Variants in STARD13 observed in about 807,000 individuals in gnomAD.
STARD13 encodes the protein stAR-related lipid transfer protein 13.
Under a neutral mutation model 106.4 loss-of-function variants are expected in STARD13, and 62 were observed. The observed-to-expected ratio is 0.58, with a 90% CI of 0.48 to 0.72. STARD13 has a LOEUF of 0.72. Among genes scored for constraint, STARD13 ranks in the 30% least tolerant of loss-of-function variants. STARD13 has a pLI of 0.00. For synonymous variants in STARD13, 565 were observed against 553.0 expected (o/e 1.02, Z -0.31); for missense variants, 1,387 against 1,424.0 (o/e 0.97, Z 0.42).
intron 3 of STARD13, among the ~76,000 whole-genome samples, chr13:33,160,923 A>G (rs1455514092): frequency 6.6e-6 from 1 of 152,224 alleles, no homozygotes; most frequent in Non-Finnish European, 1.5e-5. Context: ...AGGATTTTAC[A>G]TCAAAGAAAT....
chr13:33,595,188 G>T, the STARD13 span, among the ~76,000 whole-genome samples: 1 of 152,146 alleles, frequency 6.6e-6, no homozygotes, highest in Non-Finnish European at 1.5e-5. Context: ...GATTTTGAAT[G>T]CATGCATGCT....
the STARD13 span, among the ~76,000 whole-genome samples, chr13:33,576,747 AGGGATTT>A: frequency 3.3e-5 from 5 of 152,330 alleles, no homozygotes; most frequent in South Asian, 1.0e-3. Flanking sequence ...ATATAGTGTG[AGGGATTT>A]CAATTAGACA....
chr13:33,214,085 T>C (rs1887883769), intron 1 of STARD13, among the ~76,000 whole-genome samples: 1 of 152,190 alleles, frequency 6.6e-6, no homozygotes, highest in Non-Finnish European at 1.5e-5. Context: ...GGGGTTCGCA[T>C]CACAAGCGAC....
intron 1 of STARD13, among the ~76,000 whole-genome samples, chr13:33,275,473 T>C (rs1025340316): frequency 6.6e-6 from 1 of 152,170 alleles, no homozygotes; most frequent in Non-Finnish European, 1.5e-5. Context: ...TCTGAGACTG[T>C]TGCTCTTTTA....
chr13:33,575,213 G>C, the STARD13 span, among the ~76,000 whole-genome samples: 1 of 151,930 alleles, frequency 6.6e-6, no homozygotes, highest in African/African-American at 2.4e-5. Context: ...ACTGCGCCCG[G>C]CCATACCTAC....
the STARD13 span, among the ~76,000 whole-genome samples, chr13:33,506,215 C>A: frequency 1.3e-5 from 2 of 152,162 alleles, no homozygotes; most frequent in African/African-American, 4.8e-5. Context: ...CATTAAAGCA[C>A]TTTCCTTGCA....
the STARD13 span, among the ~76,000 whole-genome samples, chr13:33,519,309 TTCTC>T: frequency 1.7e-4 from 24 of 138,116 alleles, no homozygotes; most frequent in South Asian, 4.8e-4. Flanking sequence ...CTCTCTTTCT[TTCTC>T]TCTCTCTCTC....
chr13:33,400,627 A>T, the STARD13 span, among the ~76,000 whole-genome samples: 1 of 151,250 alleles, frequency 6.6e-6, no homozygotes, highest in Non-Finnish European at 1.5e-5. Context: ...TGCCCAGCTA[A>T]TTTTTTTTTG....
chr13:33,308,520 C>CTTTTTTTTTTTTTTTTTTTTTTTTGT (rs552526416), intron 1 of STARD13, among the ~76,000 whole-genome samples: 1 of 88,554 alleles, frequency 1.1e-5, no homozygotes, highest in Non-Finnish European at 2.1e-5. Flanking sequence ...CTTTTTCTTT[C>CTTTTTTTTTTTTTTTTTTTTTTTTGT]TTTTTTTTTT....
intron 3 of STARD13, among the ~76,000 whole-genome samples, chr13:33,160,589 C>T (rs2138332448): frequency 6.6e-6 from 1 of 152,050 alleles, no homozygotes; most frequent in East Asian, 1.9e-4. Flanking sequence ...CAAAACTCAA[C>T]AATAAGAAAA....
chr13:33,147,592 A>T (rs894694155), intron 3 of STARD13, among the ~76,000 whole-genome samples: 1 of 152,246 alleles, frequency 6.6e-6, no homozygotes, highest in Non-Finnish European at 1.5e-5. Flanking sequence ...CATTAAACAG[A>T]TAGCAACAAT....
intron 1 of STARD13, among the ~76,000 whole-genome samples, chr13:33,308,335 G>A (rs1359911690): frequency 6.6e-6 from 1 of 152,104 alleles, no homozygotes; most frequent in Non-Finnish European, 1.5e-5. Context: ...AGGCCAGTAT[G>A]CCTGAAATAG....
At chr13:33,507,674 T>C in the STARD13 span, among the ~76,000 whole-genome samples, 7 of 152,258 alleles carry the variant, frequency 4.6e-5, no homozygotes, top group Admixed American at 3.3e-4. Flanking sequence ...CAAGAAAACT[T>C]AACTGTTAAC....
chr13:33,260,413 G>A lies in STARD13; in HGVS notation c.169+25057C>T, dbSNP rs138401653. Among the ~76,000 whole-genome samples the A allele has an allele frequency of 1.6e-3, 247 of 152,348 alleles. 4 individuals carry two copies. In the East Asian group the frequency reaches 0.04, roughly 24 times the overall value. On this transcript the variant is annotated intron_variant, in intron 1 of 13. Coordinates refer to ENST00000336934, the MANE Select transcript of STARD13 (RefSeq NM_178006.4). ...CATTGCCAACGCTGCTTCAACAGTG[G>A]AGGCAGGTCTATTTCTGTTTCATCT...
chr13:33,227,449 T>C (rs567719479), intron 1 of STARD13, among the ~76,000 whole-genome samples: 13 of 152,294 alleles, frequency 8.5e-5, no homozygotes, highest in Non-Finnish European at 1.8e-4. Flanking sequence ...CCTCTACAAA[T>C]AGTGAAGCTA....
At chr13:33,272,339 G>A (rs769828382) in intron 1 of STARD13, among the ~76,000 whole-genome samples, 13 of 152,202 alleles carry the variant, frequency 8.5e-5, no homozygotes, top group Non-Finnish European at 1.9e-4. Flanking sequence ...TGCTCAAGAA[G>A]TTTCAGATTC....
At chr13:33,260,704 T>C (rs1368819908) in intron 1 of STARD13, among the ~76,000 whole-genome samples, 2 of 152,238 alleles carry the variant, frequency 1.3e-5, no homozygotes, top group African/African-American at 2.4e-5. Flanking sequence ...CGACTTCTTT[T>C]ATCTACATTT....
intron 1 of STARD13, among the ~76,000 whole-genome samples, chr13:33,262,420 T>G (rs1184718873): frequency 6.6e-6 from 1 of 152,148 alleles, no homozygotes; most frequent in African/African-American, 2.4e-5. Context: ...GCTGCACTTT[T>G]CAGCCTGCCT....
the STARD13 span, among the ~76,000 whole-genome samples, chr13:33,656,268 A>G: frequency 6.6e-6 from 1 of 152,180 alleles, no homozygotes; most frequent in African/African-American, 2.4e-5. Flanking sequence ...ATATTTATGG[A>G]TGGAAGAAAG....
Sources: gnomAD v4.1 joint callset for allele counts (sites outside exome capture counted in the v4.1 genomes callset) on GRCh38, gnomAD v4.1.1 for gene constraint, MANE v1.5 for transcripts, NCBI Gene and HGNC (gene_info 2026-07-23, HGNC 2026-07-21) for gene names.